Variants in CUBN observed in about 807,000 individuals in gnomAD.
CUBN encodes cubilin.
Under a neutral mutation model 405.3 loss-of-function variants are expected in CUBN, and 282 were observed. The ratio of observed to expected loss-of-function variants is 0.70; its 90% confidence interval spans 0.63 to 0.77. CUBN has a LOEUF of 0.77. Among genes scored for constraint, CUBN ranks in the 30% least tolerant of loss-of-function variants. The probability of loss-of-function intolerance (pLI) is 0.00; values close to 1 mark genes in which losing one functional copy is unlikely to be tolerated. For missense variants in CUBN, 4,514 were observed against 4,475.2 expected (o/e 1.01, Z -0.25); for synonymous variants, 1,684 against 1,617.0 (o/e 1.04, Z -0.99).
intron 27 of CUBN, among the ~76,000 whole-genome samples, chr10:17,025,820 G>A (rs970166050): frequency 2.6e-5 from 4 of 152,076 alleles, no homozygotes; most frequent in African/African-American, 7.2e-5. Flanking sequence ...GAGGCATCCC[G>A]GACAGCCATG....
chr10:16,866,238 GC>G (rs1286914334), intron 59 of CUBN, among the ~76,000 whole-genome samples: 2 of 152,142 alleles, frequency 1.3e-5, no homozygotes, highest in African/African-American at 4.8e-5. Context: ...TTTACTGAAA[GC>G]CCCTGATCTA....
intron 60 of CUBN, among the ~76,000 whole-genome samples, chr10:16,850,922 G>C (rs1477299178): frequency 6.6e-6 from 1 of 152,218 alleles, no homozygotes; most frequent in Non-Finnish European, 1.5e-5. Context: ...AAGGTCCTTT[G>C]AGTATCTCTC....
intron 16 of CUBN, among the ~76,000 whole-genome samples, chr10:17,085,156 T>C (rs1021032379): frequency 1.3e-5 from 2 of 152,176 alleles, no homozygotes; most frequent in African/African-American, 4.8e-5. Flanking sequence ...TAACAGCTAA[T>C]AGTATTTGGC....
intron 28 of CUBN, among the ~76,000 whole-genome samples, chr10:17,012,416 GTCC>G (rs1299947736): frequency 6.6e-6 from 1 of 152,346 alleles, no homozygotes; most frequent in African/African-American, 2.4e-5. Flanking sequence ...AAGGTGCAAA[GTCC>G]TCCTTTCTCA....
In CUBN at chr10:16,954,436, G is replaced by C; in HGVS notation, c.4808C>G (p.Ser1603Cys). 1 of 1,614,180 alleles carries C rather than the reference G, an allele frequency of 6.2e-7. No individual in the cohort carries two copies. Among genetic ancestry groups the C allele is most frequent in the Non-Finnish European group, 8.5e-7 (1 of 1,180,040 alleles). Residue 1603 changes from serine to cysteine, a missense_variant, in exon 32 of 67, where the codon TCT becomes TGT. Physicochemically the swap from Ser to Cys is moderately radical, Grantham distance 112. Transcript: ENST00000377833. ...GCCTCTGTTCTGTCTGGAAGGGCCA[G>C]ACTGAAATCTCAAGAAGAGGCTGTT... ...SGNSLFLRFQ[S>C]GPSRQNRGFR...
chr10:16,974,530 G>A (rs1306296078), intron 31 of CUBN, among the ~76,000 whole-genome samples: 1 of 120,836 alleles, frequency 8.3e-6, no homozygotes, highest in African/African-American at 2.9e-5. Context: ...TTCCCGCCAT[G>A]CCTGGCTGCT....
chr10:17,089,904 C>A (rs1296701104), intron 14 of CUBN, among the ~76,000 whole-genome samples: 1 of 152,006 alleles, frequency 6.6e-6, no homozygotes, highest in Non-Finnish European at 1.5e-5. Flanking sequence ...GCAGGAATAT[C>A]ATTTGAGCCC....
rs747316861 is a variant in CUBN, at chr10:17,100,233, G to A, written c.1537C>T (p.Arg513Cys). The A allele has an allele frequency of 1.6e-5, 25 of 1,601,546 alleles. No homozygotes were observed. Among genetic ancestry groups the A allele is most frequent in the Non-Finnish European group, 1.9e-5 (22 of 1,168,958 alleles). Residue 513 changes from arginine to cysteine, a missense_variant, in exon 14 of 67, where the codon CGT (arginine) becomes TGT (cysteine). Arg to Cys is a radical substitution (Grantham distance 180, BLOSUM62 -3). This residue lies in a region of CUBN where 1,448 missense variants were observed against 1,388.0 expected (regional missense o/e 1.04). Coordinates refer to ENST00000377833, the MANE Select transcript of CUBN (RefSeq NM_001081.4). ...VIKTEMGKVL[R>C]ITFTFFRLES... ...AACCGGAAAAAAGTGAAAGTGATAC[G>A]CAGGACCTAAAAATACAAAGGCCAC...
chr10:17,063,165 T>C (rs1835538177), intron 22 of CUBN, among the ~76,000 whole-genome samples: 1 of 152,164 alleles, frequency 6.6e-6, no homozygotes, highest in Non-Finnish European at 1.5e-5. Flanking sequence ...AGCCGATCTC[T>C]CAGGTCTTGA....
intron 59 of CUBN, among the ~76,000 whole-genome samples, chr10:16,865,872 C>A (rs1486661246): frequency 1.3e-5 from 2 of 152,128 alleles, no homozygotes; most frequent in Non-Finnish European, 2.9e-5. Context: ...TGGGTCCATG[C>A]CAATTTTAAG....
chr10:17,048,150 A>C (rs920440818), intron 22 of CUBN, among the ~76,000 whole-genome samples: 2 of 152,238 alleles, frequency 1.3e-5, no homozygotes, highest in Admixed American at 6.5e-5. Flanking sequence ...CTTAGTTCTC[A>C]CATCTCGCAA....
rs181451927 is a variant in CUBN at position 17,025,819 on chromosome 10, C to T, written c.4018-5836G>A. 9.1e-4 allele frequency among the ~76,000 whole-genome samples: 138 copies of T among 152,122 alleles called. 1 individual carries two copies. The highest frequency in any genetic ancestry group is 3.1e-3 in the African/African-American group (129 of 41,488). On this transcript the variant is annotated intron_variant, in intron 27 of 66. Coordinates refer to ENST00000377833, the MANE Select transcript of CUBN (RefSeq NM_001081.4). ...GGGCATTGTGGAGACTGAGGCATCC[C>T]GGACAGCCATGCAGAAACCAAGGCG...
At chr10:17,109,576 T>C in intron 10 of CUBN, 64 bp downstream of exon 10, 15 of 1,271,772 alleles carry the variant, frequency 1.2e-5, no homozygotes, top group Non-Finnish European at 1.6e-5. Context: ...GTGTTTAAGA[T>C]GTTGAATTGG....
At chr10:17,091,055 G>A (rs1014169785) in intron 14 of CUBN, among the ~76,000 whole-genome samples, 2 of 152,128 alleles carry the variant, frequency 1.3e-5, no homozygotes, top group African/African-American at 4.8e-5. Flanking sequence ...GAGCTCTTTA[G>A]GGAAATCAGG....
intron 45 of CUBN, among the ~76,000 whole-genome samples, chr10:16,918,418 C>G (rs1200334638): frequency 6.6e-6 from 1 of 151,918 alleles, no homozygotes; most frequent in Non-Finnish European, 1.5e-5. Context: ...TCTTCCTATC[C>G]ATGAGCACGG....
chr10:16,986,688 C>A (rs1311051827), intron 29 of CUBN, among the ~76,000 whole-genome samples: 1 of 152,130 alleles, frequency 6.6e-6, no homozygotes, highest in East Asian at 1.9e-4. Context: ...ATGCAAATGG[C>A]AGAAGCAAGC....
intron 13 of CUBN, among the ~76,000 whole-genome samples, chr10:17,101,500 G>GA (rs35152912): frequency 3.3e-5 from 5 of 151,234 alleles, no homozygotes; most frequent in South Asian, 2.1e-4. Flanking sequence ...CTCCTCAAAG[G>GA]AAAAAAAAAT....
chr10:16,914,734 T>G (rs1365768507), intron 47 of CUBN, among the ~76,000 whole-genome samples: 16 of 152,084 alleles, frequency 1.1e-4, no homozygotes, highest in Admixed American at 3.9e-4. Context: ...TTTATTTCAT[T>G]TGAGTTTGTT....
chr10:17,108,826 C>T (rs1836700197), intron 10 of CUBN, among the ~76,000 whole-genome samples: 2 of 152,008 alleles, frequency 1.3e-5, no homozygotes, highest in South Asian at 2.1e-4. Context: ...ACTTATAAAA[C>T]ATAAGACAGA....
Sources: gnomAD v4.1 joint callset for allele counts (sites outside exome capture counted in the v4.1 genomes callset) on GRCh38, gnomAD v4.1.1 for gene constraint, gnomAD v4.1.1 regional missense constraint, MANE v1.5 for transcripts, NCBI Gene and HGNC (gene_info 2026-07-23, HGNC 2026-07-21) for gene names.